The following CNNM2 variants were observed in gnomAD, a reference collection of about 807,000 sequenced individuals.
CNNM2 encodes metal transporter CNNM2.
In CNNM2, 12 loss-of-function variants were observed where a neutral mutation model predicts 66.9. That is an observed-to-expected ratio of 0.18 (90% confidence interval 0.11 to 0.29). CNNM2 has a LOEUF of 0.29. CNNM2 is among the 10% of genes least tolerant of loss of function. CNNM2 has a pLI of 1.00. For missense variants in CNNM2, 705 were observed against 1,167.7 expected (o/e 0.60, Z 5.77); for synonymous variants, 557 against 501.8 (o/e 1.11, Z -1.47).
At chr10:102,981,889 A>G (rs1021291781) in intron 1 of CNNM2, among the ~76,000 whole-genome samples, 26 of 151,518 alleles carry the variant, frequency 1.7e-4, no homozygotes, top group African/African-American at 6.3e-4. Flanking sequence ...CCTTGGTTGG[A>G]ATGACTAGGG....
intron 1 of CNNM2, among the ~76,000 whole-genome samples, chr10:103,014,576 TATG>T: frequency 6.6e-6 from 1 of 152,346 alleles, no homozygotes; most frequent in East Asian, 1.9e-4. Context: ...TTATTAAAAT[TATG>T]ATTTTTAAAA....
chr10:102,937,938 A>G, intron 1 of CNNM2, among the ~76,000 whole-genome samples: 1 of 152,028 alleles, frequency 6.6e-6, no homozygotes. Context: ...GAAACGTTTA[A>G]TTTAACTATA....
At chr10:103,020,037 T>G (rs2064540376) in intron 1 of CNNM2, among the ~76,000 whole-genome samples, 1 of 152,210 alleles carries the variant, frequency 6.6e-6, no homozygotes, top group Non-Finnish European at 1.5e-5. Flanking sequence ...TCGTGTGGTT[T>G]TTTTCTTAAG....
At chr10:103,007,192 G>A (rs945918384) in intron 1 of CNNM2, among the ~76,000 whole-genome samples, 2 of 152,278 alleles carry the variant, frequency 1.3e-5, no homozygotes, top group Non-Finnish European at 2.9e-5. Context: ...GGGAGGGCCT[G>A]TACGAACAGG....
intron 1 of CNNM2, among the ~76,000 whole-genome samples, chr10:103,026,827 ATGT>A (rs2064717790): frequency 1.3e-5 from 2 of 152,126 alleles, no homozygotes; most frequent in Admixed American, 6.5e-5. Flanking sequence ...AGAGTCTAAC[ATGT>A]TGTAATTTTC....
Position 103,049,565 on chromosome 10 carries a change from T to C in CNNM2, c.1622-142T>C. On this transcript the variant is annotated intron_variant, in intron 1 of 7. Transcript: ENST00000369878. The stretch of plus-strand genomic sequence containing the variant: ...GAAGTTCTTCCATTTGTTTGTGATG[T>C]CTCAGTACCATTTTAAAATGCTGAA... 4 of 786,410 alleles carry C rather than the reference T, an allele frequency of 5.1e-6. No individual in the cohort carries two copies. In the Admixed American group the frequency reaches 1.0e-4, roughly 21 times the overall value. The allele number at this position is 786,410 out of a possible 1,614,324, so 48.7% of individuals were successfully genotyped here.
chr10:102,946,763 G>A lies in CNNM2; in HGVS notation c.1621+26662G>A, dbSNP rs10883804. Among the ~76,000 whole-genome samples, 47,464 of 151,910 alleles carry A rather than the reference G, an allele frequency of 0.31. 7,523 individuals carry two copies. The highest frequency in any genetic ancestry group is 0.37 in the Middle Eastern group (109 of 292). On this transcript the variant is annotated intron_variant, in intron 1 of 7. Coordinates refer to ENST00000369878, the MANE Select transcript of CNNM2 (RefSeq NM_017649.5). Reference sequence around the variant, plus strand: ...TACTTCACTATTTTGATTTGCAACCGGGATAGAACTTGAAGCACCGTTAAG... The same window carrying A: ...TACTTCACTATTTTGATTTGCAACCAGGATAGAACTTGAAGCACCGTTAAG...
intron 1 of CNNM2, among the ~76,000 whole-genome samples, chr10:103,005,384 C>G (rs2064205263): frequency 1.3e-5 from 2 of 152,114 alleles, no homozygotes; most frequent in Admixed American, 1.3e-4. Context: ...TGCGGTGTCT[C>G]ACACCTGTAA....
Position 103,083,932 on chromosome 10 carries a change from AGT to A in CNNM2, c.*6756_*6757del, listed in dbSNP as rs1775104609. 6.6e-6 allele frequency: 1 copy of A among 152,346 alleles called. No homozygotes were observed. The highest frequency in any genetic ancestry group is 2.4e-5 in the African/African-American group (1 of 41,564). The allele number at this position is 152,346 out of a possible 1,614,324, so 9.4% of individuals were successfully genotyped here. A position where few individuals can be genotyped will look rare whatever the true frequency, so the allele number is the denominator to read the frequency against. On this transcript the variant is annotated 3_prime_UTR_variant, in exon 8 of 8. Coordinates refer to ENST00000369878, the MANE Select transcript of CNNM2 (RefSeq NM_017649.5). ...TTTCAAGTGGAAAACATCCGGCCTG[AGT>A]GTGGCGAGGCGTGTGCAGGTGGGTC...
intron 4 of CNNM2, among the ~76,000 whole-genome samples, chr10:103,064,287 G>A (rs1316926669): frequency 6.6e-6 from 1 of 152,206 alleles, no homozygotes; most frequent in African/African-American, 2.4e-5. Context: ...AAAGCTATGT[G>A]TATTCAGTTT....
At chr10:103,015,542 A>G (rs182414631) in intron 1 of CNNM2, among the ~76,000 whole-genome samples, 28 of 152,196 alleles carry the variant, frequency 1.8e-4, no homozygotes, top group Non-Finnish European at 3.5e-4. Flanking sequence ...CACAAATAGT[A>G]CCTTTGTGTG....
rs937073445 is a variant in CNNM2, at chr10:103,083,992, G to A, written c.*6812G>A. The A allele has an allele frequency of 3.9e-5, 6 of 152,234 alleles. No homozygotes were observed. The highest frequency in any genetic ancestry group is 1.4e-4 in the African/African-American group (6 of 41,446). The allele number at this position is 152,234 out of a possible 1,614,324, so 9.4% of individuals were successfully genotyped here. A position where few individuals can be genotyped will look rare whatever the true frequency, so the allele number is the denominator to read the frequency against. On this transcript the variant is annotated 3_prime_UTR_variant, in exon 8 of 8. Transcript: ENST00000369878. ...TTCAGTGGATATCCTGCATTCCCCA[G>A]TAATCGGTGTGTATGATACACGTTC...
chr10:103,015,484 A>G (rs980401871), intron 1 of CNNM2, among the ~76,000 whole-genome samples: 6 of 152,204 alleles, frequency 3.9e-5, no homozygotes, highest in African/African-American at 1.2e-4. Flanking sequence ...CTTACAAATT[A>G]TTGGAAACTC....
chr10:103,018,241 A>T (rs2064495565), intron 1 of CNNM2, among the ~76,000 whole-genome samples: 1 of 152,084 alleles, frequency 6.6e-6, no homozygotes, highest in Non-Finnish European at 1.5e-5. Context: ...TGGTGAGAAA[A>T]AATCAGATTC....
Position 103,054,146 on chromosome 10 carries a change from C to A in CNNM2, c.1766-183C>A, listed in dbSNP as rs775823528. 2.0e-5 allele frequency among the ~76,000 whole-genome samples: 3 copies of A among 152,148 alleles called. No homozygotes were observed. The highest frequency in any genetic ancestry group is 7.2e-5 in the African/African-American group (3 of 41,422). On this transcript the variant is annotated intron_variant, in intron 2 of 7. Transcript: ENST00000369878. This position sits in a 1 kb window ranked among gnomAD's most constrained non-coding sequence, Gnocchi z 5.2. ...GCGGACTGCGTGGTGCCCAGGCCGC[C>A]GTGCTGATTTGATGAGGATCTGGCT...
chr10:102,936,517 CT>C (rs34398870), intron 1 of CNNM2, among the ~76,000 whole-genome samples: 53,876 of 123,696 alleles, frequency 0.44, 10,417 homozygotes, highest in East Asian at 0.58. Flanking sequence ...AAACTCTTTG[CT>C]TTTTTTTTTT....
At chr10:103,026,804 G>T (rs977500398) in intron 1 of CNNM2, among the ~76,000 whole-genome samples, 1 of 152,040 alleles carries the variant, frequency 6.6e-6, no homozygotes, top group Non-Finnish European at 1.5e-5. Flanking sequence ...TTACATGGAG[G>T]TCAGTTAAGA....
chr10:103,042,335 G>A (rs2065056547), intron 1 of CNNM2, among the ~76,000 whole-genome samples: 1 of 152,162 alleles, frequency 6.6e-6, no homozygotes, highest in Non-Finnish European at 1.5e-5. Flanking sequence ...CCCCGCCTCA[G>A]CCCTTTCCCA....
At chr10:102,968,876 C>T (rs1406661943) in intron 1 of CNNM2, among the ~76,000 whole-genome samples, 1 of 149,466 alleles carries the variant, frequency 6.7e-6, no homozygotes, top group African/African-American at 2.5e-5. Context: ...GCTGGGGTTA[C>T]AGGCATGAGC....
Sources: allele counts gnomAD v4.1 joint callset (sites outside exome capture counted in the v4.1 genomes callset), GRCh38; gene constraint gnomAD v4.1.1; non-coding constraint Gnocchi (gnomAD v3.1); transcripts MANE v1.5; gene names NCBI Gene and HGNC (gene_info 2026-07-23, HGNC 2026-07-21).